Variants in NOTCH2 observed in about 807,000 individuals in gnomAD.
NOTCH2 encodes the protein neurogenic locus notch homolog protein 2.
A neutral mutation model predicts 235.8 loss-of-function variants in NOTCH2; 29 were observed. The observed-to-expected ratio is 0.12, with a 90% CI of 0.09 to 0.17. The LOEUF (loss-of-function observed/expected upper bound fraction) is 0.17, where lower values mean the gene tolerates loss of function less well. NOTCH2 is among the 10% of genes least tolerant of loss of function. The probability of loss-of-function intolerance (pLI) is 1.00; values close to 1 mark genes in which losing one functional copy is unlikely to be tolerated. For missense variants in NOTCH2, 2,285 were observed against 3,150.2 expected, an observed-to-expected ratio of 0.73 and a Z score of 6.57; for synonymous variants, 1,086 against 1,141.5, an observed-to-expected ratio of 0.95 and a Z score of 0.98.
At chr1:119,925,922 C>T in intron 24 of NOTCH2, 112 bp from the exon 25 acceptor site, 1 of 1,261,046 alleles carries the variant, frequency 7.9e-7, no homozygotes, top group Non-Finnish European at 1.1e-6. Flanking sequence ...ACTTCCCGTT[C>T]AGCCCAAGCC....
At chr1:119,970,772 CT>C (rs1297243029) in intron 5 of NOTCH2, among the ~76,000 whole-genome samples, 1 of 152,170 alleles carries the variant, frequency 6.6e-6, no homozygotes, top group African/African-American at 2.4e-5. Flanking sequence ...TGTTTGAGGT[CT>C]TTTAAAAACA....
chr1:120,048,583 G>A (rs1265628185), intron 1 of NOTCH2, among the ~76,000 whole-genome samples: 1 of 144,336 alleles, frequency 6.9e-6, no homozygotes, highest in Non-Finnish European at 1.5e-5. Flanking sequence ...CAAGTAGCTG[G>A]GACCACAGGT....
intron 5 of NOTCH2, among the ~76,000 whole-genome samples, chr1:119,978,962 T>C (rs1553201308): frequency 6.6e-6 from 1 of 152,196 alleles, no homozygotes; most frequent in Non-Finnish European, 1.5e-5. Context: ...GCTTAAGATA[T>C]TGATGAAAAG....
intron 22 of NOTCH2, among the ~76,000 whole-genome samples, chr1:119,932,163 G>A (rs1238715084): frequency 1.3e-5 from 2 of 151,952 alleles, no homozygotes; most frequent in African/African-American, 4.8e-5. Context: ...CCAATCCAGC[G>A]ATTCTATTTC....
chr1:119,942,463 A>G (rs1243740021), intron 17 of NOTCH2, among the ~76,000 whole-genome samples: 1 of 152,244 alleles, frequency 6.6e-6, no homozygotes, highest in African/African-American at 2.4e-5. Context: ...ACTAAATACT[A>G]AACTAAAGGG....
chr1:119,958,733 T>C (rs1460085086), intron 12 of NOTCH2, among the ~76,000 whole-genome samples: 1 of 151,844 alleles, frequency 6.6e-6, no homozygotes, highest in Non-Finnish European at 1.5e-5. Flanking sequence ...TGTGTGTGTG[T>C]GTGTGTGTCT....
chr1:119,991,744 T>C (rs1652252402), intron 4 of NOTCH2: 2 of 63,284 alleles, frequency 3.2e-5, no homozygotes, highest in Non-Finnish European at 5.6e-5. Flanking sequence ...TGAGAATAGC[T>C]TGAACCCGGG....
chr1:119,996,984 G>T lies in NOTCH2; in HGVS notation c.751+13C>A. ...TTTGTCCCCTAATCCTGGGACACTA[G>T]GGAGCTCCTTACCTGGAAGGCAGTT... On this transcript the variant is annotated intron_variant, in intron 4 of 33. Transcript: ENST00000256646. 1.2e-6 allele frequency: 2 copies of T among 1,612,396 alleles called. No homozygotes were observed. The highest frequency in any genetic ancestry group is 1.7e-6 in the Non-Finnish European group (2 of 1,178,854).
intron 15 of NOTCH2, 85 bp from the exon 16 acceptor site, chr1:119,949,211 C>A: frequency 1.4e-6 from 2 of 1,438,404 alleles, no homozygotes; most frequent in Non-Finnish European, 2.0e-6. Flanking sequence ...TCTCTGAATT[C>A]AAGTCAAAAG....
intron 1 of NOTCH2, among the ~76,000 whole-genome samples, chr1:120,042,718 C>G (rs587714026): frequency 6.6e-6 from 1 of 151,154 alleles, no homozygotes; most frequent in South Asian, 2.1e-4. Flanking sequence ...ATCACTTTGG[C>G]TATGAGCCTA....
At position 119,988,292 on chromosome 1, in the gene NOTCH2, C is replaced by T. The variant is rs118083744; in HGVS notation, c.752-1210G>A. On this transcript the variant is annotated intron_variant, in intron 4 of 33. Transcript: ENST00000256646. ...TGATTTCTCTAAATACAATGGCAGT[C>T]ATATAAATAAGTATAAACTGAGTGA... 5.3e-5 allele frequency among the ~76,000 whole-genome samples: 8 copies of T among 152,230 alleles called. No individual in the cohort carries two copies. The East Asian group carries it at 1.5e-3, about 29-fold the overall frequency.
At chr1:119,954,934 T>G (rs1650627730) in intron 13 of NOTCH2, 106 bp downstream of exon 13, 1 of 1,100,942 alleles carries the variant, frequency 9.1e-7, no homozygotes, top group Non-Finnish European at 1.4e-6. Flanking sequence ...TTCAGCAAAG[T>G]TTCAGCTCAA....
chr1:119,913,544 G>A lies in NOTCH2; in HGVS notation c.*1762C>T, dbSNP rs1376406219. The A allele has an allele frequency of 8.6e-6, 2 of 233,166 alleles. No individual in the cohort carries two copies. Among genetic ancestry groups the A allele is most frequent in the Non-Finnish European group, 1.7e-5 (2 of 118,052 alleles). The allele number at this position is 233,166 out of a possible 1,614,324, so 14.4% of individuals were successfully genotyped here. A position where few individuals can be genotyped will look rare whatever the true frequency, so the allele number is the denominator to read the frequency against. On this transcript the variant is annotated 3_prime_UTR_variant, in exon 34 of 34. Coordinates refer to ENST00000256646, the MANE Select transcript of NOTCH2 (RefSeq NM_024408.4). The stretch of plus-strand genomic sequence containing the variant: ...GGACGGAAGTTGCAGTGTAGCCATG[G>A]ACCAATTATTAACTGGCCCAAGGAG...
At chr1:119,978,856 GGGCA>G (rs587658090) in intron 5 of NOTCH2, among the ~76,000 whole-genome samples, 1,792 of 152,260 alleles carry the variant, frequency 0.012, 15 homozygotes, top group Non-Finnish European at 0.019. Flanking sequence ...CCCTGTCTAT[GGGCA>G]GGCAGTTACT....
chr1:120,033,494 C>G (rs1654179438), intron 1 of NOTCH2, among the ~76,000 whole-genome samples: 1 of 132,406 alleles, frequency 7.6e-6, no homozygotes, highest in African/African-American at 2.8e-5. Flanking sequence ...GATATAAATT[C>G]TGTCATTTGA....
rs782520443 is a variant in NOTCH2 at position 119,949,049 on chromosome 1, T to C, written c.2557A>G (p.Asn853Asp). ...CACAAGCAAGTATAACTCTCAAAAT[T>C]TGGTGACTCTTTGCAAACAGCAGCA... ...ENAAVCKESP[N>D]FESYTCLCAP... Residue 853 changes from asparagine to aspartate, a missense_variant, in exon 16 of 34, where the codon AAT (asparagine) becomes GAT (aspartate). Physicochemically the swap from Asn to Asp is conservative, Grantham distance 23. Transcript: ENST00000256646. The C allele has an allele frequency of 3.7e-6, 6 of 1,614,128 alleles. No homozygotes were observed. Among genetic ancestry groups the C allele is most frequent in the Non-Finnish European group, 5.1e-6 (6 of 1,180,026 alleles).
chr1:119,912,230 T>A lies in NOTCH2; in HGVS notation c.*3076A>T, dbSNP rs947462988. 3.0e-4 allele frequency: 71 copies of A among 233,290 alleles called. No individual in the cohort carries two copies. Among genetic ancestry groups the A allele is most frequent in the African/African-American group, 1.5e-3 (68 of 45,444 alleles). 14.5% of individuals were successfully genotyped at this position (233,290 alleles called of 1,614,324 possible). On this transcript the variant is annotated 3_prime_UTR_variant, in exon 34 of 34. Transcript: ENST00000256646. ...ACTGGGTTTCTCATACAAACAGATATAATATCACTTTTAAGAGAAATGTAC... is the reference window on the plus strand; with the variant it reads ...ACTGGGTTTCTCATACAAACAGATAAAATATCACTTTTAAGAGAAATGTAC...
In NOTCH2 at chr1:119,925,559, G is replaced by A. The variant is rs2101162407; in HGVS notation, c.4257C>T (p.Ser1419=). 6.2e-7 allele frequency: 1 copy of A among 1,614,136 alleles called. No homozygotes were observed. The highest frequency in any genetic ancestry group is 8.5e-7 in the Non-Finnish European group (1 of 1,180,032). ...GGCTCAGACAGGTGGCAGGAGGGGT[G>A]CTGGGGGGTGCCGTGTAGAGTTCAC... is the stretch of plus-strand genomic sequence containing the variant. The part of the protein sequence containing the change: ...SRCELYTAPP[S]TPPATCLSQY... The change falls in exon 25 of 34, where the codon AGC becomes AGT. Residue 1419 remains serine (S), a synonymous_variant. Transcript: ENST00000256646.
At chr1:119,940,219 A>T (rs1650014660) in intron 19 of NOTCH2, among the ~76,000 whole-genome samples, 1 of 152,216 alleles carries the variant, frequency 6.6e-6, no homozygotes, top group Admixed American at 6.5e-5. Flanking sequence ...GGTTATTTTG[A>T]TTATTCTCTA....
Sources: allele counts gnomAD v4.1 joint callset (sites outside exome capture counted in the v4.1 genomes callset), GRCh38; gene constraint gnomAD v4.1.1; transcripts MANE v1.5; gene names NCBI Gene and HGNC (gene_info 2026-07-23, HGNC 2026-07-21).